The following ZNF33B variants were observed in gnomAD, a reference collection of about 807,000 sequenced individuals.
The protein encoded by ZNF33B is zinc finger protein 11b (KOX 2).
ZNF33B carries 29 observed loss-of-function variants against 45.8 expected under a neutral mutation model. That is an observed-to-expected ratio of 0.63 (90% CI 0.47 to 0.86). The LOEUF (loss-of-function observed/expected upper bound fraction) is 0.86. Ranked by LOEUF, ZNF33B falls within the 40% of genes least tolerant of loss-of-function variation. ZNF33B has a pLI of 0.00. For missense variants in ZNF33B, 831 were observed against 909.9 expected, an observed-to-expected ratio of 0.91 and a Z score of 1.12; for synonymous variants, 305 against 307.8, an observed-to-expected ratio of 0.99 and a Z score of 0.10.
rs71014272 is a variant in ZNF33B at position 42,577,132 on chromosome 10, CAAAAAAAAA to C, written c.74-2463_74-2455del. Reference sequence around the variant, plus strand: ...TGGGTGACGGAGCAAGACTCCATCTCAAAAAAAAAAAAAAAAAAAAAAAATTCCCAGTCC... The same window carrying C: ...TGGGTGACGGAGCAAGACTCCATCTCAAAAAAAAAAAAAAATTCCCAGTCC... On this transcript the variant is annotated intron_variant, in intron 1 of 1. Transcript: ENST00000462075. Among the ~76,000 whole-genome samples the C allele has an allele frequency of 9.8e-5, 8 of 81,652 alleles. No homozygotes were observed. In the East Asian group the frequency reaches 1.8e-3, roughly 18 times the overall value. 53.6% of individuals were successfully genotyped at this position (81,652 alleles called of 152,430 possible).
chr10:42,637,998 T>C (rs1839406026), intron 1 of ZNF33B, among the ~76,000 whole-genome samples: 1 of 152,150 alleles, frequency 6.6e-6, no homozygotes, highest in African/African-American at 2.4e-5. Context: ...AAGATCAAGT[T>C]AGGACAGAGG....
intron 4 of ZNF33B, among the ~76,000 whole-genome samples, chr10:42,602,049 G>A (rs1336771924): frequency 1.3e-5 from 2 of 150,616 alleles, no homozygotes; most frequent in East Asian, 3.9e-4. Context: ...CTCCCAAGTA[G>A]CTAGGACAAC....
chr10:42,584,051 G>A (rs967569082), intron 1 of ZNF33B, among the ~76,000 whole-genome samples: 6 of 152,158 alleles, frequency 3.9e-5, no homozygotes, highest in Non-Finnish European at 7.3e-5. Flanking sequence ...AGCAGCCATT[G>A]GTCATCTGTA....
At position 42,636,792 on chromosome 10, in the gene ZNF33B, C is replaced by T. The variant is rs150391697; in HGVS notation, c.9+128G>A. Reference sequence around the variant, plus strand: ...GCAGTGAACAGAGATGGAGACACTGCGCTCCAGCCTGGGCGACAGAGCGAG... The same window carrying T: ...GCAGTGAACAGAGATGGAGACACTGTGCTCCAGCCTGGGCGACAGAGCGAG... On this transcript the variant is annotated intron_variant, in intron 2 of 4. Coordinates refer to ENST00000359467, the MANE Select transcript of ZNF33B (RefSeq NM_006955.3). 2,300 of 1,334,956 alleles carry T rather than the reference C, an allele frequency of 1.7e-3. 35 individuals are homozygous for T. The African/African-American group carries it at 0.03, about 17-fold the overall frequency. The allele number at this position is 1,334,956 out of a possible 1,614,324, so 82.7% of individuals were successfully genotyped here. A position where few individuals can be genotyped will look rare whatever the true frequency, so the allele number is the denominator to read the frequency against.
chr10:42,638,430 C>A (rs534980242), intron 1 of ZNF33B, 44 bp downstream of exon 1: 23 of 346,118 alleles, frequency 6.6e-5, no homozygotes, highest in South Asian at 4.9e-4. Context: ...CCTGGAGTCG[C>A]GCGGGGCCCC....
At chr10:42,621,401 C>T (rs1355102162) in intron 4 of ZNF33B, among the ~76,000 whole-genome samples, 1 of 151,758 alleles carries the variant, frequency 6.6e-6, no homozygotes, top group Non-Finnish European at 1.5e-5. Flanking sequence ...TACAAAGCTA[C>T]ACAAACACAT....
At chr10:42,628,071 T>C (rs976057550) in intron 4 of ZNF33B, among the ~76,000 whole-genome samples, 3 of 152,174 alleles carry the variant, frequency 2.0e-5, no homozygotes, top group African/African-American at 7.2e-5. Flanking sequence ...AGTTACAGTG[T>C]AGTAGCACAA....
downstream of ZNF33B, among the ~76,000 whole-genome samples, chr10:42,584,831 C>G (rs1195482011): frequency 6.6e-6 from 1 of 152,130 alleles, no homozygotes; most frequent in Non-Finnish European, 1.5e-5. Context: ...TCACCTCATC[C>G]CTTTTAGATG....
At chr10:42,620,599 G>C (rs148540123) in intron 4 of ZNF33B, among the ~76,000 whole-genome samples, 6 of 150,844 alleles carry the variant, frequency 4.0e-5, no homozygotes, top group Admixed American at 3.3e-4. Context: ...TTGTAGAAAC[G>C]GAGTCTCACT....
In ZNF33B at chr10:42,593,366, A is replaced by T; in HGVS notation, c.1584T>A (p.Tyr528Ter). Residue 528 changes from tyrosine to a stop codon, truncating the protein, a stop_gained, in exon 5 of 5, where the codon TAT becomes TAA. Transcript: ENST00000359467. LOFTEE classifies it high-confidence loss of function. ...IHTGLKPYEC[Y>*]ECGKTFCLKS... is the part of the protein sequence containing the mutation. Reference sequence around the variant, plus strand: ...TCAAGCAGAAGGTTTTCCCACATTCATAACATTCATAAGGTTTCAACCCTG... The same window carrying T: ...TCAAGCAGAAGGTTTTCCCACATTCTTAACATTCATAAGGTTTCAACCCTG... 6.2e-7 allele frequency: 1 copy of T among 1,613,864 alleles called. No individual in the cohort carries two copies. Among genetic ancestry groups the T allele is most frequent in the Non-Finnish European group, 8.5e-7 (1 of 1,179,966 alleles).
At chr10:42,588,035 G>A (rs536057484), downstream of ZNF33B, among the ~76,000 whole-genome samples, 17 of 152,210 alleles carry the variant, frequency 1.1e-4, no homozygotes, top group South Asian at 3.3e-3. Flanking sequence ...CACAACCCAG[G>A]GGTGTGCAAT....
At chr10:42,627,267 G>A (rs1487659367) in intron 4 of ZNF33B, among the ~76,000 whole-genome samples, 1 of 152,190 alleles carries the variant, frequency 6.6e-6, no homozygotes, top group Admixed American at 6.5e-5. Flanking sequence ...GCCTCCCAAA[G>A]CCCTGGGATA....
chr10:42,618,123 A>G (rs1426923078), intron 4 of ZNF33B, among the ~76,000 whole-genome samples: 2 of 152,206 alleles, frequency 1.3e-5, no homozygotes, highest in African/African-American at 4.8e-5. Flanking sequence ...TGATATCATT[A>G]CCAGTTTTGA....
intron 1 of ZNF33B, among the ~76,000 whole-genome samples, chr10:42,637,271 T>C (rs903310979): frequency 6.6e-6 from 1 of 152,218 alleles, no homozygotes; most frequent in Non-Finnish European, 1.5e-5. Flanking sequence ...AATGACAATA[T>C]TGGCCAAACA....
intron 4 of ZNF33B, among the ~76,000 whole-genome samples, chr10:42,601,030 T>C (rs1451087669): frequency 2.0e-5 from 3 of 152,234 alleles, no homozygotes; most frequent in Non-Finnish European, 2.9e-5. Context: ...AATGTCCTTA[T>C]TTCTTCACTG....
intron 4 of ZNF33B, among the ~76,000 whole-genome samples, chr10:42,595,339 A>G (rs1463446690): frequency 1.3e-5 from 2 of 152,208 alleles, no homozygotes; most frequent in East Asian, 3.8e-4. Flanking sequence ...GGCTACTGGG[A>G]AATCCAAGAG....
intron 4 of ZNF33B, among the ~76,000 whole-genome samples, chr10:42,620,740 C>G (rs1233148682): frequency 6.6e-6 from 1 of 151,852 alleles, no homozygotes; most frequent in African/African-American, 2.4e-5. Context: ...TTGTCTAAAA[C>G]AAACTGACTT....
chr10:42,617,073 A>G (rs979267737), intron 4 of ZNF33B, among the ~76,000 whole-genome samples: 3 of 150,124 alleles, frequency 2.0e-5, no homozygotes, highest in African/African-American at 7.4e-5. Flanking sequence ...TTATTTGAAG[A>G]AAATTGTTCA....
intron 4 of ZNF33B, among the ~76,000 whole-genome samples, chr10:42,627,637 C>A (rs1589067485): frequency 1.3e-5 from 2 of 152,134 alleles, no homozygotes; most frequent in East Asian, 3.9e-4. Flanking sequence ...AACCTATCAT[C>A]TTCTCTAATG....
Sources: gnomAD v4.1 joint callset for allele counts (sites outside exome capture counted in the v4.1 genomes callset) on GRCh38, gnomAD v4.1.1 for gene constraint, MANE v1.5 for transcripts, NCBI Gene and HGNC (gene_info 2026-07-23, HGNC 2026-07-21) for gene names.